The following CDK6 variants were observed in gnomAD, a reference collection of about 807,000 sequenced individuals.
CDK6 encodes cyclin dependent kinase 6, also known as cyclin-dependent kinase 6.
A neutral mutation model predicts 37.1 loss-of-function variants in CDK6; 6 were observed. The ratio of observed to expected loss-of-function variants is 0.16; its 90% CI spans 0.09 to 0.32. The LOEUF (loss-of-function observed/expected upper bound fraction) is 0.32. Ranked by LOEUF, CDK6 falls within the 10% of genes least tolerant of loss-of-function variation. The pLI, the probability that CDK6 is intolerant of heterozygous loss-of-function variation, is 1.00. For synonymous variants in CDK6, 160 were observed against 161.3 expected, an observed-to-expected ratio of 0.99 and a Z score of 0.06; for missense variants, 224 against 418.9, an observed-to-expected ratio of 0.53 and a Z score of 4.06.
intron 2 of CDK6, among the ~76,000 whole-genome samples, chr7:92,800,145 T>C (rs1800532422): frequency 6.6e-6 from 1 of 152,184 alleles, no homozygotes; most frequent in African/African-American, 2.4e-5. Flanking sequence ...GGCACTACCC[T>C]AATTTAGGCC....
chr7:92,712,492 T>C (rs2116683496), intron 4 of CDK6, among the ~76,000 whole-genome samples: 1 of 152,272 alleles, frequency 6.6e-6, no homozygotes, highest in South Asian at 2.1e-4. Flanking sequence ...TTACAAATGA[T>C]AAGCTGATGG....
At chr7:92,774,858 T>C (rs775072850) in intron 2 of CDK6, 27 bp from the exon 3 acceptor site, 3 of 1,596,784 alleles carry the variant, frequency 1.9e-6, no homozygotes, top group Non-Finnish European at 2.6e-6. Context: ...AGAGGTTAAG[T>C]AGGTGGCAAT....
chr7:92,780,905 T>A (rs570455856), intron 2 of CDK6, among the ~76,000 whole-genome samples: 22 of 152,296 alleles, frequency 1.4e-4, no homozygotes, highest in Admixed American at 7.8e-4. Context: ...AACCTTTTTT[T>A]AAAAATTTTT....
At chr7:92,808,208 T>C (rs1439027555) in intron 2 of CDK6, among the ~76,000 whole-genome samples, 3 of 152,222 alleles carry the variant, frequency 2.0e-5, no homozygotes, top group African/African-American at 4.8e-5. Context: ...AATCAGCAGA[T>C]GAGTAAAATG....
chr7:92,787,175 G>T (rs1775122907), intron 2 of CDK6, among the ~76,000 whole-genome samples: 1 of 112,562 alleles, frequency 8.9e-6, no homozygotes, highest in Admixed American at 1.2e-4. Flanking sequence ...GAGTAAGTGA[G>T]ACTCCATCAC....
intron 4 of CDK6, among the ~76,000 whole-genome samples, chr7:92,715,039 C>T (rs1054633751): frequency 4.6e-5 from 7 of 152,154 alleles, no homozygotes; most frequent in African/African-American, 7.2e-5. Context: ...AATCATCCAG[C>T]GTTACATAAG....
Position 92,614,926 on chromosome 7 carries a change from C to T in CDK6, c.*214G>A. The T allele has an allele frequency of 4.3e-6, 2 of 461,774 alleles. No individual in the cohort carries two copies. Among genetic ancestry groups the T allele is most frequent in the East Asian group, 3.1e-5 (1 of 32,630 alleles). 28.6% of individuals were successfully genotyped at this position (461,774 alleles called of 1,614,324 possible). A position where few individuals can be genotyped will look rare whatever the true frequency, so the allele number is the denominator to read the frequency against. On this transcript the variant is annotated 3_prime_UTR_variant, in exon 8 of 8. Coordinates refer to ENST00000424848, the MANE Select transcript of CDK6 (RefSeq NM_001145306.2). The stretch of plus-strand genomic sequence containing the variant: ...TTCTTGAAACAAACAGACAAACAAA[C>T]AAACAAATGAACATAAAGCTGCAAT...
At chr7:92,744,866 T>C (rs186294771) in intron 3 of CDK6, among the ~76,000 whole-genome samples, 228 of 152,226 alleles carry the variant, frequency 1.5e-3, no homozygotes, top group Admixed American at 4.5e-3. Context: ...TCATCTTCCT[T>C]TCACTCTATA....
At chr7:92,803,018 A>G (rs1207581538) in intron 2 of CDK6, among the ~76,000 whole-genome samples, 1 of 152,194 alleles carries the variant, frequency 6.6e-6, no homozygotes, top group Non-Finnish European at 1.5e-5. Flanking sequence ...CAGTTTTTCA[A>G]ATATGCCCTT....
intron 5 of CDK6, among the ~76,000 whole-genome samples, chr7:92,627,039 T>C (rs1585346897): frequency 6.6e-6 from 1 of 152,018 alleles, no homozygotes; most frequent in African/African-American, 2.4e-5. Context: ...TTATTCATAA[T>C]AGCCAAAAAG....
chr7:92,800,397 T>C (rs1800539534), intron 2 of CDK6, among the ~76,000 whole-genome samples: 1 of 152,226 alleles, frequency 6.6e-6, no homozygotes, highest in Non-Finnish European at 1.5e-5. Context: ...ATCGTTCTTC[T>C]CTTGTTTGGA....
intron 4 of CDK6, among the ~76,000 whole-genome samples, chr7:92,681,522 T>C (rs1421948889): frequency 1.3e-5 from 2 of 152,192 alleles, no homozygotes; most frequent in Non-Finnish European, 2.9e-5. Context: ...ACAGCAAGCC[T>C]TTAGGTCAAA....
chr7:92,822,203 A>G (rs1801190423), intron 2 of CDK6, among the ~76,000 whole-genome samples: 1 of 152,102 alleles, frequency 6.6e-6, no homozygotes, highest in Admixed American at 6.6e-5. Flanking sequence ...GATTTAAAAT[A>G]TCACTAAAAT....
chr7:92,698,105 C>T (rs1387684370), intron 4 of CDK6, among the ~76,000 whole-genome samples: 2 of 152,156 alleles, frequency 1.3e-5, no homozygotes, highest in East Asian at 1.9e-4. Context: ...ATAATTGTTG[C>T]CATCTTTTAC....
At chr7:92,687,230 A>G (rs973788909) in intron 4 of CDK6, among the ~76,000 whole-genome samples, 10 of 152,172 alleles carry the variant, frequency 6.6e-5, no homozygotes, top group Admixed American at 5.2e-4. Context: ...CCTTGCTGAC[A>G]TCTGGTGTGA....
intron 4 of CDK6, among the ~76,000 whole-genome samples, chr7:92,687,251 C>T (rs985633940): frequency 2.7e-4 from 41 of 152,200 alleles, no homozygotes; most frequent in African/African-American, 8.0e-4. Context: ...CCAGAAGAAT[C>T]TGCTTCCATC....
chr7:92,696,061 G>A (rs1348088403), intron 4 of CDK6, among the ~76,000 whole-genome samples: 3 of 152,204 alleles, frequency 2.0e-5, no homozygotes, highest in African/African-American at 7.2e-5. Context: ...GTGCTCTGTT[G>A]TACAAAGTGA....
chr7:92,702,391 C>A lies in CDK6; in HGVS notation c.537+23235G>T, dbSNP rs550442023. ...GGGATTACAGGTGTGTACCACCATGCCCAGCTAATTTTTGTATTTTTGGTA... is the reference window on the plus strand; with the variant it reads ...GGGATTACAGGTGTGTACCACCATGACCAGCTAATTTTTGTATTTTTGGTA... On this transcript the variant is annotated intron_variant, in intron 4 of 7. Coordinates refer to ENST00000424848, the MANE Select transcript of CDK6 (RefSeq NM_001145306.2). Among the ~76,000 whole-genome samples the A allele has an allele frequency of 2.0e-5, 3 of 151,586 alleles. No individual in the cohort carries two copies. In the South Asian group the frequency reaches 6.3e-4, roughly 32 times the overall value.
At chr7:92,658,817 G>T (rs1011342802) in intron 5 of CDK6, among the ~76,000 whole-genome samples, 1 of 151,936 alleles carries the variant, frequency 6.6e-6, no homozygotes, top group Admixed American at 6.6e-5. Context: ...TTGATCCTTC[G>T]TACAGCAATT....
Sources: gnomAD v4.1 joint callset for allele counts (sites outside exome capture counted in the v4.1 genomes callset) on GRCh38, gnomAD v4.1.1 for gene constraint, MANE v1.5 for transcripts, NCBI Gene and HGNC (gene_info 2026-07-23, HGNC 2026-07-21) for gene names.